Variants in DOCK2 observed in about 807,000 individuals in gnomAD.
The protein encoded by DOCK2 is dedicator of cytokinesis protein 2.
In DOCK2, 87 loss-of-function variants were observed where a neutral mutation model predicts 248.9. That is an observed-to-expected ratio of 0.35 (90% confidence interval 0.29 to 0.42). DOCK2 has a LOEUF of 0.42. DOCK2 is among the 10% of genes least tolerant of loss of function. The probability of loss-of-function intolerance (pLI) is 1.00; values close to 1 mark genes in which losing one functional copy is unlikely to be tolerated. For missense variants in DOCK2, 1,747 were observed against 2,300.2 expected, an observed-to-expected ratio of 0.76 and a Z score of 4.92; for synonymous variants, 805 against 821.6, an observed-to-expected ratio of 0.98 and a Z score of 0.35.
At chr5:169,935,752 T>G (rs562549786) in intron 27 of DOCK2, among the ~76,000 whole-genome samples, 21 of 152,322 alleles carry the variant, frequency 1.4e-4, no homozygotes, top group Admixed American at 2.0e-4. Context: ...TTGTGCACAG[T>G]ACACTGACTT....
intron 27 of DOCK2, among the ~76,000 whole-genome samples, chr5:169,853,537 G>A (rs1770721308): frequency 6.6e-6 from 1 of 152,124 alleles, no homozygotes; most frequent in African/African-American, 2.4e-5. Flanking sequence ...AGACTATTCT[G>A]TGAATTCTAT....
chr5:170,023,430 T>G (rs1351533815), intron 33 of DOCK2, among the ~76,000 whole-genome samples: 3 of 152,190 alleles, frequency 2.0e-5, no homozygotes, highest in Non-Finnish European at 4.4e-5. Flanking sequence ...AAATCTGTAC[T>G]GAGTGCTTGC....
At chr5:169,752,501 G>A (rs141644773) in intron 23 of DOCK2, among the ~76,000 whole-genome samples, 25 of 152,126 alleles carry the variant, frequency 1.6e-4, no homozygotes, top group African/African-American at 5.5e-4. Context: ...CACTTTAGGA[G>A]GCTGAGGTGA....
intron 27 of DOCK2, among the ~76,000 whole-genome samples, chr5:169,977,079 GT>G (rs1468987209): frequency 6.6e-6 from 1 of 152,200 alleles, no homozygotes; most frequent in Non-Finnish European, 1.5e-5. Flanking sequence ...GGGGAACTAA[GT>G]TTTCGATGAA....
At chr5:169,813,535 C>T (rs571850943) in intron 26 of DOCK2, among the ~76,000 whole-genome samples, 1 of 152,154 alleles carries the variant, frequency 6.6e-6, no homozygotes, top group Non-Finnish European at 1.5e-5. Context: ...AAACAATGGC[C>T]CCAAACAAGA....
At chr5:169,975,558 G>A (rs191305574) in intron 27 of DOCK2, among the ~76,000 whole-genome samples, 10 of 152,154 alleles carry the variant, frequency 6.6e-5, no homozygotes, top group African/African-American at 1.2e-4. Flanking sequence ...ATCCCACTTC[G>A]GGGCCTTTGC....
At chr5:170,005,308 A>G (rs530325475) in intron 30 of DOCK2, among the ~76,000 whole-genome samples, 1 of 152,322 alleles carries the variant, frequency 6.6e-6, no homozygotes, top group South Asian at 2.1e-4. Context: ...CTGTGACAAT[A>G]TAGCAATTGA....
At chr5:170,029,344 A>C (rs747119862) in intron 34 of DOCK2, among the ~76,000 whole-genome samples, 2 of 152,156 alleles carry the variant, frequency 1.3e-5, no homozygotes, top group Non-Finnish European at 2.9e-5. Flanking sequence ...ATTGATTTTC[A>C]GTACACTCAC....
intron 34 of DOCK2, chr5:170,028,472 C>T (rs1201988887): frequency 6.5e-6 from 1 of 154,468 alleles, no homozygotes; most frequent in Non-Finnish European, 1.5e-5. Context: ...AAGCTGCATC[C>T]TGAACCTGGC....
chr5:169,637,814 C>G (rs1422290057), intron 1 of DOCK2, among the ~76,000 whole-genome samples: 1 of 152,194 alleles, frequency 6.6e-6, no homozygotes, highest in African/African-American at 2.4e-5. Context: ...CTTCCCCTGT[C>G]TGTTCCTCCT....
intron 51 of DOCK2, 71 bp downstream of exon 51, chr5:170,082,055 A>C (rs1472831432): frequency 6.3e-7 from 1 of 1,574,976 alleles, no homozygotes; most frequent in Non-Finnish European, 8.6e-7. Context: ...TGCAGAGAGA[A>C]GAAAATGGGG....
intron 26 of DOCK2, 67 bp downstream of exon 26, chr5:169,803,273 T>C: frequency 6.4e-7 from 1 of 1,553,316 alleles, no homozygotes; most frequent in Non-Finnish European, 8.7e-7. Context: ...CATTGTGAAA[T>C]ATTGATACTG....
At chr5:169,684,124 A>G (rs1759822120) in intron 7 of DOCK2, 72 bp from the exon 8 acceptor site, 1 of 1,570,690 alleles carries the variant, frequency 6.4e-7, no homozygotes, top group Admixed American at 1.7e-5. Flanking sequence ...ATCCTTGACT[A>G]TCTCTCTGTT....
chr5:169,872,474 G>A (rs1772041427), intron 27 of DOCK2, among the ~76,000 whole-genome samples: 2 of 152,186 alleles, frequency 1.3e-5, no homozygotes, highest in African/African-American at 4.8e-5. Flanking sequence ...TTCACAACTT[G>A]CAGCTATTTC....
intron 1 of DOCK2, among the ~76,000 whole-genome samples, chr5:169,652,737 A>G: frequency 6.6e-6 from 1 of 152,076 alleles, no homozygotes; most frequent in East Asian, 1.9e-4. Flanking sequence ...AGGAGGAAGG[A>G]GGGAAGAGAG....
chr5:169,703,591 G>C (rs1421526328), intron 14 of DOCK2, among the ~76,000 whole-genome samples: 1 of 152,124 alleles, frequency 6.6e-6, no homozygotes, highest in Non-Finnish European at 1.5e-5. Flanking sequence ...TGGCAAATTT[G>C]GGAAGATTCA....
At chr5:169,893,145 A>G (rs1463542894) in intron 27 of DOCK2, among the ~76,000 whole-genome samples, 1 of 152,180 alleles carries the variant, frequency 6.6e-6, no homozygotes, top group African/African-American at 2.4e-5. Context: ...GTGGGGAATC[A>G]GCATCTCTTG....
intron 33 of DOCK2, among the ~76,000 whole-genome samples, chr5:170,022,311 T>TA (rs199805229): frequency 0.011 from 1,682 of 152,278 alleles, 13 homozygotes; most frequent in Non-Finnish European, 0.018. Flanking sequence ...AGGAAGGTGT[T>TA]AGACTCTCAG....
intron 44 of DOCK2, among the ~76,000 whole-genome samples, chr5:170,060,450 G>A (rs1174570320): frequency 6.6e-6 from 1 of 152,192 alleles, no homozygotes; most frequent in African/African-American, 2.4e-5. Context: ...CTCCATCTCT[G>A]TTGAATTACA....
Sources: gnomAD v4.1 joint callset for allele counts (sites outside exome capture counted in the v4.1 genomes callset) on GRCh38, gnomAD v4.1.1 for gene constraint, MANE v1.5 for transcripts, NCBI Gene and HGNC (gene_info 2026-07-23, HGNC 2026-07-21) for gene names.